The following RABGAP1L variants were observed in gnomAD, a reference collection of about 807,000 sequenced individuals.
RABGAP1L encodes the protein rab GTPase-activating protein 1-like.
Under a neutral mutation model 137.7 loss-of-function variants are expected in RABGAP1L, and 63 were observed. The observed-to-expected ratio is 0.46, with a 90% CI of 0.37 to 0.56. The LOEUF (loss-of-function observed/expected upper bound fraction) is 0.56, where lower values mean the gene tolerates loss of function less well. RABGAP1L is among the 20% of genes least tolerant of loss of function. The probability of loss-of-function intolerance (pLI) is 0.00; values close to 1 mark genes in which losing one functional copy is unlikely to be tolerated. For synonymous variants in RABGAP1L, 431 were observed against 433.7 expected (o/e 0.99, Z 0.08); for missense variants, 1,095 against 1,244.0 (o/e 0.88, Z 1.80).
chr1:174,542,843 C>T (rs1042301729), intron 13 of RABGAP1L, among the ~76,000 whole-genome samples: 2 of 152,136 alleles, frequency 1.3e-5, no homozygotes, highest in East Asian at 1.9e-4. Flanking sequence ...GCCTTCATTT[C>T]GTTATGTACC....
At chr1:174,302,620 G>T (rs949829578) in intron 10 of RABGAP1L, among the ~76,000 whole-genome samples, 3 of 152,194 alleles carry the variant, frequency 2.0e-5, no homozygotes, top group African/African-American at 7.2e-5. Context: ...CATAAGAAAA[G>T]GATAGGCTTC....
Position 174,831,061 on chromosome 1 carries a change from TTTTG to T in RABGAP1L, c.2340+19105_2340+19108del, listed in dbSNP as rs931658014. On this transcript the variant is annotated intron_variant, in intron 19 of 25. Transcript: ENST00000681986. ...TAGGAGATTTGAGGGAAATTTTCAA[TTTTG>T]TTTATTTAATTTTATTTTAATTTGA... Among the ~76,000 whole-genome samples the T allele has an allele frequency of 8.2e-4, 121 of 148,256 alleles. 10 individuals carry two copies. The highest frequency in any genetic ancestry group is 2.7e-3 in the African/African-American group (111 of 40,720).
At chr1:174,268,187 T>G (rs947367861) in intron 7 of RABGAP1L, among the ~76,000 whole-genome samples, 3 of 152,046 alleles carry the variant, frequency 2.0e-5, no homozygotes, top group Non-Finnish European at 4.4e-5. Flanking sequence ...CTTTCTATTA[T>G]GCTGTCACTT....
chr1:174,399,730 CCTT>C (rs1020443424), intron 13 of RABGAP1L, among the ~76,000 whole-genome samples: 74 of 152,228 alleles, frequency 4.9e-4, no homozygotes, highest in African/African-American at 1.7e-3. Flanking sequence ...GCTAACACAT[CCTT>C]CTTCTCATGG....
intron 18 of RABGAP1L, among the ~76,000 whole-genome samples, chr1:174,787,505 A>G (rs1478837533): frequency 2.6e-5 from 4 of 152,202 alleles, no homozygotes. Flanking sequence ...CAATATATGT[A>G]GATAAGAAAA....
chr1:174,616,265 A>G (rs61826917), intron 13 of RABGAP1L, among the ~76,000 whole-genome samples: 13,671 of 152,184 alleles, frequency 0.09, 835 homozygotes, highest in East Asian at 0.22. Context: ...TTGGTTTGGA[A>G]GTCTGTGAAT....
At chr1:174,572,915 ATCTCATCTC>A (rs897295946) in intron 13 of RABGAP1L, among the ~76,000 whole-genome samples, 1 of 152,012 alleles carries the variant, frequency 6.6e-6, no homozygotes, top group Non-Finnish European at 1.5e-5. Context: ...TAGCAGAATC[ATCTCATCTC>A]TCTTGGGAGA....
chr1:174,518,228 A>G (rs1317972372), intron 13 of RABGAP1L, among the ~76,000 whole-genome samples: 2 of 152,300 alleles, frequency 1.3e-5, no homozygotes, highest in East Asian at 1.9e-4. Context: ...GGTGTTTCTG[A>G]TATGTGACCA....
chr1:174,784,472 A>G (rs940476891), intron 18 of RABGAP1L, among the ~76,000 whole-genome samples: 30 of 151,716 alleles, frequency 2.0e-4, no homozygotes, highest in African/African-American at 7.0e-4. Context: ...TCCCTCCTAT[A>G]TTGTGGTGGG....
chr1:174,637,249 AG>A (rs1557935854), intron 13 of RABGAP1L, 125 bp from the exon 14 acceptor site: 6 of 647,716 alleles, frequency 9.3e-6, no homozygotes, highest in Non-Finnish European at 1.6e-5. Context: ...CTGGGATAGA[AG>A]GGAAGTTTTT....
chr1:174,534,923 C>G (rs1002287492), intron 13 of RABGAP1L, among the ~76,000 whole-genome samples: 1 of 151,732 alleles, frequency 6.6e-6, no homozygotes, highest in African/African-American at 2.4e-5. Flanking sequence ...GATCTGATGA[C>G]AGTTGAATGG....
intron 13 of RABGAP1L, among the ~76,000 whole-genome samples, chr1:174,565,985 A>G (rs1460561278): frequency 1.3e-5 from 2 of 151,634 alleles, no homozygotes; most frequent in African/African-American, 4.8e-5. Context: ...CCCGGCCTCA[A>G]GTGATATTCC....
intron 19 of RABGAP1L, among the ~76,000 whole-genome samples, chr1:174,889,079 T>A (rs543735693): frequency 6.6e-6 from 1 of 152,210 alleles, no homozygotes; most frequent in South Asian, 2.1e-4. Context: ...ATTAGCTCTT[T>A]TGTTTTCTTT....
Position 174,371,006 on chromosome 1 carries a change from C to A in RABGAP1L, c.1493C>A (p.Thr498Lys). The A allele has an allele frequency of 6.7e-7, 1 of 1,492,074 alleles. No individual in the cohort carries two copies. The highest frequency in any genetic ancestry group is 9.1e-7 in the Non-Finnish European group (1 of 1,100,910). The allele number at this position is 1,492,074 out of a possible 1,614,324, so 92.4% of individuals were successfully genotyped here. A position where few individuals can be genotyped will look rare whatever the true frequency, so the allele number is the denominator to read the frequency against. The change falls in exon 12 of 26, where the codon ACA becomes AAA. Residue 498 changes from threonine (T) to lysine (K), a missense_variant. Coordinates refer to ENST00000681986, the MANE Select transcript of RABGAP1L (RefSeq NM_001366446.1). Reference protein sequence around the residue: ...EESDNELSSGTGDVSKDCPEK... With the variant: ...EESDNELSSGKGDVSKDCPEK... ...AGTGATAATGAACTCTCAAGTGGAACAGGTGATGTGTCTAAGGATTGTCCT... is the reference window on the plus strand; with the variant it reads ...AGTGATAATGAACTCTCAAGTGGAAAAGGTGATGTGTCTAAGGATTGTCCT...
At chr1:174,480,591 G>A (rs1348074547) in intron 13 of RABGAP1L, among the ~76,000 whole-genome samples, 1 of 152,178 alleles carries the variant, frequency 6.6e-6, no homozygotes, top group Non-Finnish European at 1.5e-5. Context: ...GGATGGTTTT[G>A]TTCCAACCCC....
chr1:174,839,039 G>GTGTGTGTT (rs72120760), intron 19 of RABGAP1L, among the ~76,000 whole-genome samples: 13,151 of 147,078 alleles, frequency 0.089, 912 homozygotes, highest in East Asian at 0.22. Flanking sequence ...GTGTGTGTGT[G>GTGTGTGTT]TGTGTGTGTG....
chr1:174,567,061 A>G (rs1667634257), intron 13 of RABGAP1L, among the ~76,000 whole-genome samples: 1 of 152,128 alleles, frequency 6.6e-6, no homozygotes, highest in Non-Finnish European at 1.5e-5. Context: ...TGATAAGTGT[A>G]TAATTCAGTG....
At chr1:174,541,435 A>G (rs889723331) in intron 13 of RABGAP1L, among the ~76,000 whole-genome samples, 3 of 152,044 alleles carry the variant, frequency 2.0e-5, no homozygotes, top group Admixed American at 6.6e-5. Context: ...GTTTGTCATA[A>G]ATAGCTCTTA....
chr1:174,248,390 C>G (rs1571767130), intron 5 of RABGAP1L, among the ~76,000 whole-genome samples: 2 of 152,234 alleles, frequency 1.3e-5, no homozygotes, highest in South Asian at 4.1e-4. Context: ...GCCTACAGTT[C>G]TTATTAGCAT....
Sources: allele counts gnomAD v4.1 joint callset (sites outside exome capture counted in the v4.1 genomes callset), GRCh38; gene constraint gnomAD v4.1.1; transcripts MANE v1.5; gene names NCBI Gene and HGNC (gene_info 2026-07-23, HGNC 2026-07-21).